FGD4: variants seen among roughly 807,000 people sequenced by gnomAD.
The protein encoded by FGD4 is FYVE, RhoGEF and PH domain-containing protein 4.
FGD4 carries 42 observed loss-of-function variants against 102.0 expected under a neutral mutation model. The ratio of observed to expected loss-of-function variants is 0.41; its 90% CI spans 0.32 to 0.53. FGD4 has a LOEUF of 0.53. FGD4 is among the 20% of genes least tolerant of loss of function. The pLI is 0.21. For synonymous variants in FGD4, 380 were observed against 375.7 expected, an observed-to-expected ratio of 1.01 and a Z score of -0.13; for missense variants, 902 against 1,078.2, an observed-to-expected ratio of 0.84 and a Z score of 2.29.
intron 1 of FGD4, among the ~76,000 whole-genome samples, chr12:32,543,986 A>T (rs1470755421): frequency 3.3e-5 from 5 of 152,164 alleles, no homozygotes; most frequent in African/African-American, 1.2e-4. Context: ...AAGTATATAT[A>T]TTTTTATTAT....
At chr12:32,586,063 C>T (rs1391472395) in intron 4 of FGD4, among the ~76,000 whole-genome samples, 1 of 152,006 alleles carries the variant, frequency 6.6e-6, no homozygotes, top group Admixed American at 6.6e-5. Flanking sequence ...ATATTTCTGA[C>T]TGCATAATCA....
At position 32,495,728 on chromosome 12, in the gene FGD4, CCCCTCCACTACCT is replaced by C. The variant is rs1429485854; in HGVS notation, c.167-68406_167-68394del. Reference sequence around the variant, plus strand: ...AAAAAAAAAAGAAGCTTTTCAGAATCCCCTCCACTACCTCCTTCCATATCCTCCTGCACACACA... The same window carrying C: ...AAAAAAAAAAGAAGCTTTTCAGAATCCCTTCCATATCCTCCTGCACACACA... On this transcript the variant is annotated intron_variant, in intron 1 of 16. Transcript: ENST00000534526. 2.1e-4 allele frequency among the ~76,000 whole-genome samples: 31 copies of C among 146,082 alleles called. No homozygotes were observed. The East Asian group carries it at 6.0e-3, about 28-fold the overall frequency.
chr12:32,633,777 A>G (rs2137026036), intron 15 of FGD4, 88 bp downstream of exon 15: 2 of 1,226,824 alleles, frequency 1.6e-6, no homozygotes, highest in Non-Finnish European at 1.1e-6. Flanking sequence ...GTGCAGTGGC[A>G]CGATCTCAGC....
chr12:32,483,634 G>A (rs1271874296), intron 1 of FGD4, among the ~76,000 whole-genome samples: 1 of 152,186 alleles, frequency 6.6e-6, no homozygotes, highest in African/African-American at 2.4e-5. Context: ...ATAACTCATT[G>A]GCATATGGTC....
At chr12:32,583,919 T>C (rs1231425979) in intron 4 of FGD4, among the ~76,000 whole-genome samples, 2 of 152,208 alleles carry the variant, frequency 1.3e-5, no homozygotes, top group Non-Finnish European at 2.9e-5. Context: ...GTTGGGATGA[T>C]GCCTCCAACA....
chr12:32,618,691 C>T (rs773917007), intron 10 of FGD4, among the ~76,000 whole-genome samples: 4 of 151,972 alleles, frequency 2.6e-5, no homozygotes, highest in Non-Finnish European at 5.9e-5. Context: ...TTAATTGAGG[C>T]CGGGCATGGT....
chr12:32,521,349 C>T (rs1211205130), intron 1 of FGD4, among the ~76,000 whole-genome samples: 1 of 140,556 alleles, frequency 7.1e-6, no homozygotes, highest in Non-Finnish European at 1.5e-5. Context: ...GCACTCCAGC[C>T]TGGCGACGGC....
chr12:32,611,118 T>C lies in FGD4; in HGVS notation c.1603-19T>C, dbSNP rs1410915724. On this transcript the variant is annotated intron_variant, in intron 9 of 16. Coordinates refer to ENST00000534526, the MANE Select transcript of FGD4 (RefSeq NM_001370298.3). ...GTTGAAACCTGCCTGTATGTGATCT[T>C]GCTGTTTTAATTTCCTAGGAGAACC... 3.1e-6 allele frequency: 5 copies of C among 1,613,978 alleles called. No homozygotes were observed. The highest frequency in any genetic ancestry group is 4.2e-6 in the Non-Finnish European group (5 of 1,179,972).
At chr12:32,441,401 G>A (rs957775085) in intron 1 of FGD4, among the ~76,000 whole-genome samples, 3 of 151,948 alleles carry the variant, frequency 2.0e-5, no homozygotes, top group Admixed American at 6.6e-5. Context: ...TCAAGGCAGC[G>A]GGTTCCCTTG....
At chr12:32,593,632 G>A (rs1288842712) in intron 4 of FGD4, among the ~76,000 whole-genome samples, 1 of 152,214 alleles carries the variant, frequency 6.6e-6, no homozygotes, top group African/African-American at 2.4e-5. Context: ...TTAAGATCCT[G>A]TAGGATTGTG....
chr12:32,481,127 C>CAAAAAAAA (rs1157108520), intron 1 of FGD4, among the ~76,000 whole-genome samples: 1,232 of 27,354 alleles, frequency 0.045, 392 homozygotes, highest in East Asian at 0.18. Flanking sequence ...GACTCCGTCT[C>CAAAAAAAA]AAAAAAAAAA....
chr12:32,464,642 G>A (rs1455212673), intron 1 of FGD4, among the ~76,000 whole-genome samples: 1 of 152,144 alleles, frequency 6.6e-6, no homozygotes, highest in African/African-American at 2.4e-5. Flanking sequence ...TAGTATTCAA[G>A]GTGTTTTATG....
intron 1 of FGD4, among the ~76,000 whole-genome samples, chr12:32,479,585 G>A (rs1231047292): frequency 6.7e-6 from 1 of 149,236 alleles, no homozygotes; most frequent in African/African-American, 2.4e-5. Flanking sequence ...CTAGCAGTGA[G>A]AGGTCTGTAT....
intron 1 of FGD4, among the ~76,000 whole-genome samples, chr12:32,450,775 A>T (rs1466295324): frequency 6.6e-6 from 1 of 152,134 alleles, no homozygotes; most frequent in South Asian, 2.1e-4. Flanking sequence ...TGACATATCC[A>T]CTTCTGATCT....
At chr12:32,519,117 A>AGG (rs199510415) in intron 1 of FGD4, among the ~76,000 whole-genome samples, 2 of 99,318 alleles carry the variant, frequency 2.0e-5, no homozygotes, top group Non-Finnish European at 2.0e-5. Flanking sequence ...ACTCCGTCTC[A>AGG]GGAAAAAAAA....
intron 1 of FGD4, among the ~76,000 whole-genome samples, chr12:32,521,157 G>A (rs1394039102): frequency 6.6e-6 from 1 of 152,178 alleles, no homozygotes; most frequent in African/African-American, 2.4e-5. Context: ...GGGAGTCCGA[G>A]GCGGGTGGAT....
rs1592364151 is a variant in FGD4 at position 32,601,142 on chromosome 12, T to TCAAAG, written c.1102-135_1102-131dup. The TCAAAG allele has an allele frequency of 5.0e-5, 42 of 841,682 alleles. No individual in the cohort carries two copies. The East Asian group carries it at 1.1e-3, about 22-fold the overall frequency. 52.1% of individuals were successfully genotyped at this position (841,682 alleles called of 1,614,324 possible). On this transcript the variant is annotated intron_variant, in intron 5 of 16. Coordinates refer to ENST00000534526, the MANE Select transcript of FGD4 (RefSeq NM_001370298.3). ...CAAAGCATATACTCACTCCTAAATT[T>TCAAAG]CAAAGGATTCTCTTGAACTGTAAAC...
intron 1 of FGD4, chr12:32,486,083 C>A (rs779318070): frequency 2.0e-6 from 3 of 1,520,712 alleles, no homozygotes; most frequent in Middle Eastern, 3.5e-4. Flanking sequence ...GCTCCAGAAG[C>A]AGGAAATAGG....
intron 1 of FGD4, among the ~76,000 whole-genome samples, chr12:32,515,201 C>G (rs73092002): frequency 0.18 from 27,843 of 152,184 alleles, 3,128 homozygotes; most frequent in Middle Eastern, 0.35. Context: ...AGAACAGGGA[C>G]TATACCACCT....
Sources: gnomAD v4.1 joint callset for allele counts (sites outside exome capture counted in the v4.1 genomes callset) on GRCh38, gnomAD v4.1.1 for gene constraint, MANE v1.5 for transcripts, NCBI Gene and HGNC (gene_info 2026-07-23, HGNC 2026-07-21) for gene names.